Variants in POLR1C observed in about 807,000 individuals in gnomAD.
POLR1C encodes DNA-directed RNA polymerases I and III subunit RPAC1.
POLR1C carries 42 observed loss-of-function variants against 38.3 expected under a neutral mutation model. The ratio of observed to expected loss-of-function variants is 1.10; its 90% CI spans 0.86 to 1.42. The LOEUF is 1.42. Ranked by LOEUF, POLR1C falls within the 40% of genes most tolerant of loss-of-function variation. The pLI is 0.00. For synonymous variants in POLR1C, 163 were observed against 163.9 expected, an observed-to-expected ratio of 0.99 and a Z score of 0.04; for missense variants, 507 against 450.5, an observed-to-expected ratio of 1.13 and a Z score of -1.14.
intron 8 of POLR1C, chr6:43,528,884 G>A (rs1260603625): frequency 6.2e-7 from 1 of 1,613,852 alleles, no homozygotes; most frequent in Admixed American, 1.7e-5. Context: ...GCTTCATAGT[G>A]CTCTGGGGGA....
chr6:43,545,793 C>T (rs1164939051), intron 9 of POLR1C, among the ~76,000 whole-genome samples: 1 of 152,004 alleles, frequency 6.6e-6, no homozygotes, highest in Non-Finnish European at 1.5e-5. Flanking sequence ...ATAAAAAAAC[C>T]TATCTTTTCA....
intron 9 of POLR1C, among the ~76,000 whole-genome samples, chr6:43,544,439 T>TA (rs1189597110): frequency 2.6e-5 from 4 of 152,052 alleles, no homozygotes; most frequent in African/African-American, 9.7e-5. Flanking sequence ...GAAAATTATA[T>TA]AAAAAAAGAT....
At position 43,517,131 on chromosome 6, in the gene POLR1C, G is replaced by A. The variant is rs201071477; in HGVS notation, c.22G>A (p.Glu8Lys). The change falls in exon 1 of 9, where the codon GAG (glutamate) becomes AAG (lysine). Residue 8 changes from glutamate to lysine, a missense_variant. Transcript: ENST00000642195. Reference protein sequence around the residue: MAASQAVEEMRSRVVLGE... With the variant: MAASQAVKEMRSRVVLGE... ...GAAGATGGCGGCTTCTCAGGCGGTG[G>A]AGGAAATGCGGAGCCGCGTGGTTCT... The A allele has an allele frequency of 2.5e-6, 4 of 1,614,196 alleles. No homozygotes were observed. The East Asian group carries it at 6.7e-5, about 27-fold the overall frequency.
chr6:43,545,007 G>A (rs145918172), intron 9 of POLR1C, among the ~76,000 whole-genome samples: 2,787 of 152,114 alleles, frequency 0.018, 101 homozygotes, highest in African/African-American at 0.063. Flanking sequence ...CGAGTAGCTG[G>A]GATTACAGGC....
chr6:43,517,400 G>C (rs1388926664), intron 2 of POLR1C, 23 bp downstream of exon 2: 1 of 1,609,690 alleles, frequency 6.2e-7, no homozygotes. Flanking sequence ...GGAGTTGTCT[G>C]GGGAGGGTTA....
downstream of POLR1C, among the ~76,000 whole-genome samples, chr6:43,532,364 T>C (rs1027782980): frequency 2.6e-5 from 4 of 152,196 alleles, no homozygotes; most frequent in African/African-American, 9.6e-5. Flanking sequence ...ATTGGATTGC[T>C]TGACCACAGC....
downstream of POLR1C, chr6:43,524,139 G>T: frequency 7.5e-7 from 1 of 1,325,432 alleles, no homozygotes; most frequent in Non-Finnish European, 1.0e-6. Flanking sequence ...ATCACCTGAG[G>T]TCAGGAGTTC....
At chr6:43,544,384 G>A (rs766300035) in intron 9 of POLR1C, 1 of 152,512 alleles carries the variant, frequency 6.6e-6, no homozygotes, top group African/African-American at 2.4e-5. Flanking sequence ...TGATTGATAG[G>A]AAGGTGACTA....
chr6:43,538,767 TTTTC>T (rs1467254017), intron 9 of POLR1C: 10 of 649,718 alleles, frequency 1.5e-5, no homozygotes, highest in South Asian at 5.0e-5. Flanking sequence ...AGCACTACAT[TTTTC>T]TTTTTTTTTT....
At chr6:43,526,977 C>CT (rs1393025603) in intron 8 of POLR1C, 15 of 527,214 alleles carry the variant, frequency 2.8e-5, no homozygotes, top group Non-Finnish European at 4.8e-5. Flanking sequence ...ACAGAATTCT[C>CT]TGAGAGTGAG....
chr6:43,523,281 C>T (rs1793311278), downstream of POLR1C: 1 of 225,982 alleles, frequency 4.4e-6, no homozygotes, highest in Admixed American at 5.2e-5. Flanking sequence ...ACCATGGATC[C>T]CATCAGGTGA....
downstream of POLR1C, among the ~76,000 whole-genome samples, chr6:43,524,218 G>A (rs548334211): frequency 5.4e-4 from 82 of 152,242 alleles, no homozygotes; most frequent in African/African-American, 1.7e-3. Flanking sequence ...CAGACGTGGT[G>A]GTGCATGCCT....
chr6:43,558,637 C>A (rs1303901352), intron 10 of POLR1C: 3 of 1,441,410 alleles, frequency 2.1e-6, no homozygotes, highest in Non-Finnish European at 9.3e-7. Context: ...AGTGGACCCA[C>A]TGAAAGAGTT....
At chr6:43,531,528 T>C (rs753201975), downstream of POLR1C, 1 of 1,613,864 alleles carries the variant, frequency 6.2e-7, no homozygotes, top group African/African-American at 1.3e-5. Flanking sequence ...TCCAAGACGG[T>C]TTTGAAGACA....
At chr6:43,540,155 C>T (rs1794612258) in intron 9 of POLR1C, among the ~76,000 whole-genome samples, 1 of 151,802 alleles carries the variant, frequency 6.6e-6, no homozygotes, top group African/African-American at 2.4e-5. Flanking sequence ...TTTGAGAGGC[C>T]AAGGAGGGGG....
At chr6:43,532,091 G>T (rs910494876), downstream of POLR1C, among the ~76,000 whole-genome samples, 1 of 152,128 alleles carries the variant, frequency 6.6e-6, no homozygotes, top group Non-Finnish European at 1.5e-5. Flanking sequence ...ATTTCTGGTT[G>T]GCCACTTATT....
At position 43,553,795 on chromosome 6, in the gene POLR1C, G is replaced by A. The variant is rs1761856869; in HGVS notation, c.*48+2784G>A. On this transcript the variant is annotated intron_variant, in intron 10 of 10. Coordinates refer to the POLR1C transcript ENST00000607635. ...AGTAAAACCATTTTGAGTAATGAAT[G>A]AGAATACGCAGGTGAACATCAAAAA... is the stretch of plus-strand genomic sequence containing the variant. 1.1e-5 allele frequency: 3 copies of A among 270,958 alleles called. No homozygotes were observed. In the Admixed American group the frequency reaches 1.7e-4, roughly 15 times the overall value. 16.8% of individuals were successfully genotyped at this position (270,958 alleles called of 1,614,324 possible).
chr6:43,542,233 A>T (rs1432228033), intron 9 of POLR1C, among the ~76,000 whole-genome samples: 1 of 152,142 alleles, frequency 6.6e-6, no homozygotes, highest in Non-Finnish European at 1.5e-5. Flanking sequence ...GTACTGTAAC[A>T]CTTGACTAGT....
downstream of POLR1C, among the ~76,000 whole-genome samples, chr6:43,521,788 C>A (rs906144948): frequency 2.0e-5 from 3 of 152,340 alleles, no homozygotes; most frequent in African/African-American, 7.2e-5. Flanking sequence ...GCCTTGGGGC[C>A]TCCCAAAGTG....
Sources: gnomAD v4.1 joint callset for allele counts (sites outside exome capture counted in the v4.1 genomes callset) on GRCh38, gnomAD v4.1.1 for gene constraint, MANE v1.5 for transcripts, NCBI Gene and HGNC (gene_info 2026-07-23, HGNC 2026-07-21) for gene names.